Variants in PTTG1IP observed in about 807,000 individuals in gnomAD.
PTTG1IP encodes the protein pituitary tumor-transforming gene 1 protein-interacting protein.
In PTTG1IP, 16 loss-of-function variants were observed where a neutral mutation model predicts 24.4. The observed-to-expected ratio is 0.66, with a 90% confidence interval of 0.44 to 1.00. The LOEUF (loss-of-function observed/expected upper bound fraction) is 1.00. Ranked by LOEUF, PTTG1IP falls within the 50% of genes least tolerant of loss-of-function variation. The pLI is 0.00. For synonymous variants in PTTG1IP, 89 were observed against 96.8 expected, an observed-to-expected ratio of 0.92 and a Z score of 0.47; for missense variants, 241 against 245.8, an observed-to-expected ratio of 0.98 and a Z score of 0.13.
At chr21:44,862,006 T>C (rs990395616) in intron 2 of PTTG1IP, 4 of 620,556 alleles carry the variant, frequency 6.4e-6, no homozygotes, top group African/African-American at 1.8e-5. Context: ...GAGAACCTCA[T>C]AGACGCTCTT....
At chr21:44,853,269 A>G (rs573984059) in intron 5 of PTTG1IP, among the ~76,000 whole-genome samples, 1 of 152,326 alleles carries the variant, frequency 6.6e-6, no homozygotes, top group Admixed American at 6.5e-5. Context: ...GCACTCTGGG[A>G]GGCCGAGGCG....
At chr21:44,862,379 C>T (rs1156498980) in intron 2 of PTTG1IP, among the ~76,000 whole-genome samples, 2 of 152,198 alleles carry the variant, frequency 1.3e-5, no homozygotes, top group African/African-American at 4.8e-5. Context: ...ATAAGCCGGG[C>T]GTGGTGGCAC....
intron 5 of PTTG1IP, among the ~76,000 whole-genome samples, chr21:44,852,402 G>A (rs2083418071): frequency 1.3e-5 from 2 of 152,106 alleles, no homozygotes; most frequent in African/African-American, 2.4e-5. Flanking sequence ...GGCTGGTCTC[G>A]AACTCCCAAC....
At chr21:44,870,539 A>AAAG (rs1555972829) in intron 1 of PTTG1IP, among the ~76,000 whole-genome samples, 4 of 149,630 alleles carry the variant, frequency 2.7e-5, no homozygotes, top group Non-Finnish European at 5.9e-5. Context: ...AAAAAAAAAA[A>AAAG]AAAAAAAAAG....
At chr21:44,864,344 G>T (rs1428330614) in intron 2 of PTTG1IP, among the ~76,000 whole-genome samples, 1 of 152,258 alleles carries the variant, frequency 6.6e-6, no homozygotes, top group African/African-American at 2.4e-5. Context: ...GCTGGCCCAG[G>T]CGCAGGCCAC....
chr21:44,866,323 C>T (rs2083537108), intron 1 of PTTG1IP, among the ~76,000 whole-genome samples: 1 of 121,170 alleles, frequency 8.3e-6, no homozygotes. Flanking sequence ...GCCTACTCCC[C>T]CAATCCCATA....
chr21:44,861,623 C>A, intron 2 of PTTG1IP: 1 of 681,826 alleles, frequency 1.5e-6, no homozygotes, highest in Non-Finnish European at 2.7e-6. Context: ...CCGGTTCTGC[C>A]TGGAGCACTC....
intron 5 of PTTG1IP, among the ~76,000 whole-genome samples, chr21:44,854,062 G>T (rs182583437): frequency 6.6e-6 from 1 of 152,162 alleles, no homozygotes; most frequent in Non-Finnish European, 1.5e-5. Context: ...GCAGCATGGG[G>T]CCTCTGCAGC....
At chr21:44,855,106 G>T in intron 5 of PTTG1IP, 104 bp downstream of exon 5, 1 of 1,246,304 alleles carries the variant, frequency 8.0e-7, no homozygotes, top group Non-Finnish European at 1.2e-6. Context: ...GTTCCGATGG[G>T]TGAACCCACA....
At chr21:44,854,464 C>T (rs552742313) in intron 5 of PTTG1IP, among the ~76,000 whole-genome samples, 11 of 112,604 alleles carry the variant, frequency 9.8e-5, no homozygotes, top group Admixed American at 7.5e-4. Context: ...ACAAACCCAG[C>T]GCGGGAGACG....
At chr21:44,871,733 T>C (rs543003960) in intron 1 of PTTG1IP, among the ~76,000 whole-genome samples, 16 of 152,216 alleles carry the variant, frequency 1.1e-4, no homozygotes, top group African/African-American at 3.1e-4. Context: ...AAATAGCCCC[T>C]CTCTCCAAGG....
chr21:44,863,232 G>A lies in PTTG1IP; in HGVS notation c.169-1961C>T, dbSNP rs368301041. On this transcript the variant is annotated intron_variant, in intron 2 of 5. Transcript: ENST00000330938. ...CAGCAGCAGAGACACAGCCCACCAC[G>A]GCCTCAGCAGCAGAGACACAGCCCG... Among the ~76,000 whole-genome samples the A allele has an allele frequency of 8.2e-4, 96 of 117,292 alleles. 3 individuals carry two copies. In the East Asian group the frequency reaches 0.014, roughly 17 times the overall value. 76.9% of individuals were successfully genotyped at this position (117,292 alleles called of 152,430 possible). A position where few individuals can be genotyped will look rare whatever the true frequency, so the allele number is the denominator to read the frequency against.
At chr21:44,865,469 C>T in intron 1 of PTTG1IP, 22 bp from the exon 2 acceptor site, 1 of 1,613,306 alleles carries the variant, frequency 6.2e-7, no homozygotes, top group Non-Finnish European at 8.5e-7. Flanking sequence ...AGGCAAGAGA[C>T]AAGTCAGTCA....
Position 44,861,914 on chromosome 21 carries a change from C to G in PTTG1IP, c.169-643G>C. 10 of 708,346 alleles carry G rather than the reference C, an allele frequency of 1.4e-5. 1 individual carries two copies. In the South Asian group the frequency reaches 1.5e-4, roughly 11 times the overall value. 43.9% of individuals were successfully genotyped at this position (708,346 alleles called of 1,614,324 possible). A position where few individuals can be genotyped will look rare whatever the true frequency, so the allele number is the denominator to read the frequency against. On this transcript the variant is annotated intron_variant, in intron 2 of 5. Transcript: ENST00000330938. ...GTAGCAAGGACCATGCTTCCTACCT[C>G]TGACCTTCACAACTGCACTAAGTCG... is the stretch of plus-strand genomic sequence containing the variant.
chr21:44,858,916 G>A (rs1396373026), intron 3 of PTTG1IP, among the ~76,000 whole-genome samples: 2 of 152,174 alleles, frequency 1.3e-5, no homozygotes, highest in Non-Finnish European at 2.9e-5. Context: ...CACATTGCCT[G>A]AGGGAGGCCA....
chr21:44,860,164 C>G (rs1168078288), intron 3 of PTTG1IP, among the ~76,000 whole-genome samples: 1 of 152,060 alleles, frequency 6.6e-6, no homozygotes, highest in South Asian at 2.1e-4. Flanking sequence ...GTCAGGAGAT[C>G]GAGACCATCC....
intron 2 of PTTG1IP, chr21:44,862,066 ACAC>A: frequency 3.6e-6 from 2 of 557,976 alleles, no homozygotes; most frequent in Non-Finnish European, 6.5e-6. Context: ...TGTGGAGACA[ACAC>A]CATCACACCC....
intron 4 of PTTG1IP, 62 bp from the exon 5 acceptor site, chr21:44,855,318 C>G (rs2083441013): frequency 6.5e-7 from 1 of 1,527,212 alleles, no homozygotes; most frequent in Non-Finnish European, 9.1e-7. Flanking sequence ...AACTGCTAGA[C>G]ACGCCCTTCC....
At chr21:44,873,432 C>T in intron 1 of PTTG1IP, 70 bp downstream of exon 1, 1 of 1,230,840 alleles carries the variant, frequency 8.1e-7, no homozygotes, top group Non-Finnish European at 1.0e-6. Context: ...GAAACCCCGA[C>T]CCCGACCCCG....
Sources: gnomAD v4.1 joint callset for allele counts (sites outside exome capture counted in the v4.1 genomes callset) on GRCh38, gnomAD v4.1.1 for gene constraint, MANE v1.5 for transcripts, NCBI Gene and HGNC (gene_info 2026-07-23, HGNC 2026-07-21) for gene names.